Variants in ODAM observed in about 807,000 individuals in gnomAD.
ODAM encodes the protein odontogenic ameloblast-associated protein.
Under a neutral mutation model 48.5 loss-of-function variants are expected in ODAM, and 55 were observed. That is an observed-to-expected ratio of 1.13 (90% CI 0.91 to 1.42). The LOEUF (loss-of-function observed/expected upper bound fraction) is 1.42, where lower values mean the gene tolerates loss of function less well. ODAM is among the 40% of genes most tolerant of loss of function. The pLI is 0.00. For missense variants in ODAM, 353 were observed against 323.6 expected (o/e 1.09, Z -0.70); for synonymous variants, 127 against 107.8 (o/e 1.18, Z -1.10).
chr4:70,197,375 A>G, intron 4 of ODAM, 54 bp downstream of exon 4: 1 of 956,204 alleles, frequency 1.0e-6, no homozygotes. Context: ...TTGCTCATTT[A>G]TGTTATTTTG....
In ODAM at chr4:70,198,128, C is replaced by T. The variant is rs745679794; in HGVS notation, c.346C>T (p.Pro116Ser). Residue 116 changes from proline to serine, a missense_variant, in exon 5 of 12, where the codon CCG becomes TCG. Pro to Ser is a moderately conservative substitution (Grantham distance 74). Transcript: ENST00000683306. ...AGTTGATCCCTTACAGCTTCAAACACCGCCTCAGACACAACCAGGCCCCAG... is the reference window on the plus strand; with the variant it reads ...AGTTGATCCCTTACAGCTTCAAACATCGCCTCAGACACAACCAGGCCCCAG... ...GQVDPLQLQTPPQTQPGPSHV... is the reference protein window; with the variant it reads ...GQVDPLQLQTSPQTQPGPSHV... 3.7e-6 allele frequency: 6 copies of T among 1,613,058 alleles called. No individual in the cohort carries two copies. The African/African-American group carries it at 8.0e-5, about 22-fold the overall frequency.
chr4:70,197,321 G>A lies in ODAM; in HGVS notation c.141G>A (p.Gln47=). 1 of 1,427,004 alleles carries A rather than the reference G, an allele frequency of 7.0e-7. No individual in the cohort carries two copies. The highest frequency in any genetic ancestry group is 9.9e-7 in the Non-Finnish European group (1 of 1,012,062). The allele number at this position is 1,427,004 out of a possible 1,614,324, so 88.4% of individuals were successfully genotyped here. A position where few individuals can be genotyped will look rare whatever the true frequency, so the allele number is the denominator to read the frequency against. ...GTCAACTTTTGCCACTACAACTTCA[G>A]GTACCTCCATTTCAATAATTACTTT... is the stretch of plus-strand genomic sequence containing the variant. ...NNGQLLPLQL[Q]GPLNSWIPPF... Residue 47 remains glutamine (Q), a splice_region_variant and synonymous_variant, in exon 4 of 12, where the codon CAG becomes CAA. Coordinates refer to ENST00000683306, the MANE Select transcript of ODAM (RefSeq NM_017855.4).
At chr4:70,198,989 T>G (rs1729439834) in intron 6 of ODAM, among the ~76,000 whole-genome samples, 1 of 152,014 alleles carries the variant, frequency 6.6e-6, no homozygotes, top group African/African-American at 2.4e-5. Context: ...TAAATTTTGC[T>G]TCAGAAGGAG....
chr4:70,198,472 T>A (rs1729427952), intron 5 of ODAM, 107 bp from the exon 6 acceptor site: 3 of 886,084 alleles, frequency 3.4e-6, no homozygotes, highest in Non-Finnish European at 5.2e-6. Flanking sequence ...TGGAAACTTG[T>A]TAACACAAAG....
intron 8 of ODAM, 75 bp downstream of exon 8, chr4:70,201,576 C>T: frequency 1.2e-6 from 1 of 824,204 alleles, no homozygotes; most frequent in Non-Finnish European, 2.1e-6. Context: ...CTATCAATGC[C>T]CTTCAGCCAA....
At chr4:70,200,665 T>A in intron 7 of ODAM, 64 bp downstream of exon 7, 1 of 1,087,224 alleles carries the variant, frequency 9.2e-7, no homozygotes, top group Non-Finnish European at 1.3e-6. Flanking sequence ...ATAAGGTATA[T>A]TACCATAGAA....
At chr4:70,202,419 G>A in intron 9 of ODAM, 90 bp downstream of exon 9, 1 of 1,051,228 alleles carries the variant, frequency 9.5e-7, no homozygotes, top group Non-Finnish European at 1.5e-6. Context: ...CAACTCTGTT[G>A]TAATTCCATC....
chr4:70,203,141 T>C lies in ODAM; in HGVS notation c.811-15T>C, dbSNP rs200951389. 762 of 1,579,500 alleles carry C rather than the reference T, an allele frequency of 4.8e-4. 3 individuals carry two copies. In the African/African-American group the frequency reaches 9.2e-3, roughly 19 times the overall value. Reference sequence around the variant, plus strand: ...ATTTAATAACAGTTTCTTATGAATGTCCTTTTCTCACTAGGACAAGACTGA... The same window carrying C: ...ATTTAATAACAGTTTCTTATGAATGCCCTTTTCTCACTAGGACAAGACTGA... On this transcript the variant is annotated splice_polypyrimidine_tract_variant and intron_variant, in intron 10 of 11. Transcript: ENST00000683306.
chr4:70,201,528 A>G (rs1472296774), intron 8 of ODAM, 27 bp downstream of exon 8: 2 of 1,226,798 alleles, frequency 1.6e-6, no homozygotes. Context: ...TTTTCATTAA[A>G]AATATTTTGA....
In ODAM at chr4:70,198,098, G is replaced by A. The variant is rs1168913854; in HGVS notation, c.316G>A (p.Gly106Ser). 2.5e-6 allele frequency: 4 copies of A among 1,613,228 alleles called. No homozygotes were observed. Among genetic ancestry groups the A allele is most frequent in the Non-Finnish European group, 3.4e-6 (4 of 1,179,528 alleles). Residue 106 changes from glycine to serine, a missense_variant, in exon 5 of 12, where the codon GGC (glycine) becomes AGC (serine). Coordinates refer to ENST00000683306, the MANE Select transcript of ODAM (RefSeq NM_017855.4). Reference sequence around the variant, plus strand: ...CAGTTTTGCCCAAGGAGCCCAGGCAGGCCAAGTTGATCCCTTACAGCTTCA... The same window carrying A: ...CAGTTTTGCCCAAGGAGCCCAGGCAAGCCAAGTTGATCCCTTACAGCTTCA... The part of the protein sequence containing the change: ...EASFAQGAQA[G>S]QVDPLQLQTP...
chr4:70,197,782 A>G (rs998053718), intron 4 of ODAM, 142 bp from the exon 5 acceptor site: 2 of 661,908 alleles, frequency 3.0e-6, no homozygotes, highest in African/African-American at 1.8e-5. Context: ...GTTCAAAATG[A>G]ATCAAGATGC....
In ODAM at chr4:70,198,143, C is replaced by A; in HGVS notation, c.361C>A (p.Pro121Thr). ...LQLQTPPQTQ[P>T]GPSHVMPYVF... Reference sequence around the variant, plus strand: ...GCTTCAAACACCGCCTCAGACACAACCAGGCCCCAGTCACGTAAGTCAGGC... The same window carrying A: ...GCTTCAAACACCGCCTCAGACACAAACAGGCCCCAGTCACGTAAGTCAGGC... The change falls in exon 5 of 12, where the codon CCA (proline) becomes ACA (threonine). Residue 121 changes from proline to threonine, a missense_variant. Coordinates refer to ENST00000683306, the MANE Select transcript of ODAM (RefSeq NM_017855.4). The A allele has an allele frequency of 6.2e-7, 1 of 1,612,910 alleles. No individual in the cohort carries two copies. The highest frequency in any genetic ancestry group is 1.7e-5 in the Admixed American group (1 of 59,860).
At position 70,202,881 on chromosome 4, in the gene ODAM, A is replaced by G. The variant is rs1294032743; in HGVS notation, c.774A>G (p.Val258=). The G allele has an allele frequency of 1.2e-6, 2 of 1,612,142 alleles. No homozygotes were observed. Among genetic ancestry groups the G allele is most frequent in the Admixed American group, 1.7e-5 (1 of 59,736 alleles). Residue 258 remains valine (V), a synonymous_variant, in exon 10 of 12, where the codon GTA becomes GTG. Coordinates refer to ENST00000683306, the MANE Select transcript of ODAM (RefSeq NM_017855.4). ...PSTTNVFTSA[V]DQTITPELPE... ...CAACCAATGTTTTCACTTCTGCTGT[A>G]GACCAAACTATTACCCCAGAGCTCC...
At chr4:70,203,605 A>G (rs1460309285) in intron 11 of ODAM, among the ~76,000 whole-genome samples, 1 of 151,964 alleles carries the variant, frequency 6.6e-6, no homozygotes, top group Non-Finnish European at 1.5e-5. Flanking sequence ...TCTCAAAATG[A>G]TAAAGAAATT....
rs776093069 is a variant in ODAM at position 70,201,477 on chromosome 4, A to G, written c.552A>G (p.Gly184=). 34 of 1,520,832 alleles carry G rather than the reference A, an allele frequency of 2.2e-5. No homozygotes were observed. The South Asian group carries it at 3.7e-4, about 16-fold the overall frequency. 94.2% of individuals were successfully genotyped at this position (1,520,832 alleles called of 1,614,324 possible). A position where few individuals can be genotyped will look rare whatever the true frequency, so the allele number is the denominator to read the frequency against. Residue 184 remains glycine, a synonymous_variant, in exon 8 of 12, where the codon GGA becomes GGG. Coordinates refer to ENST00000683306, the MANE Select transcript of ODAM (RefSeq NM_017855.4). ...AGATACCATTCTATGCTCAATTTGG[A>G]TACATTCCACAACTAGCAGAACCTG... ...EEQIPFYAQF[G]YIPQLAEPAI...
Position 70,199,196 on chromosome 4 carries a change from C to T in ODAM, c.423+570C>T, listed in dbSNP as rs184178922. Among the ~76,000 whole-genome samples the T allele has an allele frequency of 4.8e-3, 724 of 151,968 alleles. 1 individual carries two copies. Among genetic ancestry groups the T allele is most frequent in the Admixed American group, 0.011 (175 of 15,220 alleles). On this transcript the variant is annotated intron_variant, in intron 6 of 11. Coordinates refer to ENST00000683306, the MANE Select transcript of ODAM (RefSeq NM_017855.4). The stretch of plus-strand genomic sequence containing the variant: ...AAAAATGAATGCAAACTAGTATAAT[C>T]ATCATATTAATATGGAAAACCCTAT...
chr4:70,197,830 T>C lies in ODAM; in HGVS notation c.142-94T>C, dbSNP rs187139206. ...TGTTGCAACATTGGAACTATAGAAA[T>C]TGTTTGTATTTTGCCTCTTTCTTGC... On this transcript the variant is annotated intron_variant, in intron 4 of 11. Coordinates refer to ENST00000683306, the MANE Select transcript of ODAM (RefSeq NM_017855.4). The C allele has an allele frequency of 2.9e-3, 2,495 of 869,898 alleles. 5 individuals are homozygous for C. The highest frequency in any genetic ancestry group is 3.8e-3 in the South Asian group (229 of 60,952). 53.9% of individuals were successfully genotyped at this position (869,898 alleles called of 1,614,324 possible).
chr4:70,198,111 C>T lies in ODAM; in HGVS notation c.329C>T (p.Pro110Leu), dbSNP rs180873603. 1 of 1,613,204 alleles carries T rather than the reference C, an allele frequency of 6.2e-7. No homozygotes were observed. Among genetic ancestry groups the T allele is most frequent in the Non-Finnish European group, 8.5e-7 (1 of 1,179,522 alleles). Residue 110 changes from proline to leucine, a missense_variant, in exon 5 of 12, where the codon CCC (proline) becomes CTC (leucine). Coordinates refer to ENST00000683306, the MANE Select transcript of ODAM (RefSeq NM_017855.4). ...AQGAQAGQVD[P>L]LQLQTPPQTQ... is the part of the protein sequence containing the mutation. ...GGAGCCCAGGCAGGCCAAGTTGATC[C>T]CTTACAGCTTCAAACACCGCCTCAG...
At position 70,200,618 on chromosome 4, in the gene ODAM, A is replaced by G; in HGVS notation, c.528+17A>G. The G allele has an allele frequency of 6.7e-7, 1 of 1,491,552 alleles. No homozygotes were observed. Among genetic ancestry groups the G allele is most frequent in the Non-Finnish European group, 9.3e-7 (1 of 1,072,758 alleles). 92.4% of individuals were successfully genotyped at this position (1,491,552 alleles called of 1,614,324 possible). ...GAGGAGCAGGTACTGCAAATGTTTT[A>G]TTTTAATCCTACTAGTTCCACTTGA... is the stretch of plus-strand genomic sequence containing the variant. On this transcript the variant is annotated intron_variant, in intron 7 of 11. Coordinates refer to ENST00000683306, the MANE Select transcript of ODAM (RefSeq NM_017855.4).
Sources: gnomAD v4.1 joint callset for allele counts (sites outside exome capture counted in the v4.1 genomes callset) on GRCh38, gnomAD v4.1.1 for gene constraint, MANE v1.5 for transcripts, NCBI Gene and HGNC (gene_info 2026-07-23, HGNC 2026-07-21) for gene names.